The following ULK4 variants were observed in gnomAD, a reference collection of about 807,000 sequenced individuals.
The protein encoded by ULK4 is inactive serine/threonine-protein kinase ULK4.
ULK4 carries 133 observed loss-of-function variants against 160.6 expected under a neutral mutation model. The observed-to-expected ratio is 0.83, with a 90% CI of 0.72 to 0.96. The LOEUF is 0.96. Among genes scored for constraint, ULK4 ranks in the 40% least tolerant of loss-of-function variants. The pLI, the probability that ULK4 is intolerant of heterozygous loss-of-function variation, is 0.00. For missense variants in ULK4, 1,580 were observed against 1,499.5 expected, an observed-to-expected ratio of 1.05 and a Z score of -0.89; for synonymous variants, 534 against 539.8, an observed-to-expected ratio of 0.99 and a Z score of 0.15.
chr3:41,300,201 T>C (rs985552876), intron 35 of ULK4, among the ~76,000 whole-genome samples: 6 of 152,188 alleles, frequency 3.9e-5, no homozygotes, highest in Admixed American at 6.5e-5. Flanking sequence ...GGAGGAACCA[T>C]TGAGCTGTCT....
At chr3:41,764,182 A>C (rs1391830579) in intron 21 of ULK4, among the ~76,000 whole-genome samples, 1 of 152,210 alleles carries the variant, frequency 6.6e-6, no homozygotes, top group Non-Finnish European at 1.5e-5. Flanking sequence ...CTTACACGTG[A>C]TTTAGCTATG....
At chr3:41,738,625 G>A (rs1055847087) in intron 22 of ULK4, among the ~76,000 whole-genome samples, 2 of 151,862 alleles carry the variant, frequency 1.3e-5, no homozygotes, top group Non-Finnish European at 2.9e-5. Context: ...GAAAAATTCA[G>A]GGGGCTACCA....
At chr3:41,911,929 G>C (rs1291556877) in intron 9 of ULK4, among the ~76,000 whole-genome samples, 1 of 151,948 alleles carries the variant, frequency 6.6e-6, no homozygotes, top group Non-Finnish European at 1.5e-5. Context: ...GAGGCAGACG[G>C]ATCACTTGAA....
At chr3:41,323,190 G>T (rs139785828) in intron 35 of ULK4, among the ~76,000 whole-genome samples, 108 of 152,136 alleles carry the variant, frequency 7.1e-4, no homozygotes, top group African/African-American at 2.5e-3. Flanking sequence ...GCCCGCCTTG[G>T]CCTTCCAAAG....
intron 22 of ULK4, 147 bp downstream of exon 22, chr3:41,754,214 G>C: frequency 1.1e-6 from 1 of 885,502 alleles, no homozygotes; most frequent in Non-Finnish European, 1.7e-6. Context: ...GTACTTCCAA[G>C]CTGAGATTAC....
chr3:41,494,538 C>T (rs2084915085), intron 32 of ULK4, among the ~76,000 whole-genome samples: 1 of 151,440 alleles, frequency 6.6e-6, no homozygotes, highest in Non-Finnish European at 1.5e-5. Context: ...GATGCCCTCT[C>T]TCACCACTCC....
At chr3:41,583,890 G>C (rs2030578078) in intron 31 of ULK4, among the ~76,000 whole-genome samples, 1 of 152,230 alleles carries the variant, frequency 6.6e-6, no homozygotes, top group African/African-American at 2.4e-5. Flanking sequence ...AGCAGAGGAA[G>C]ACAGAAATGG....
intron 8 of ULK4, among the ~76,000 whole-genome samples, chr3:41,913,360 G>A (rs1698860579): frequency 6.6e-6 from 1 of 151,710 alleles, no homozygotes; most frequent in Non-Finnish European, 1.5e-5. Flanking sequence ...CGAGTGGCTG[G>A]GACTACAGGC....
At chr3:41,388,538 A>T (rs1330261455) in intron 35 of ULK4, among the ~76,000 whole-genome samples, 4 of 151,916 alleles carry the variant, frequency 2.6e-5, no homozygotes, top group Non-Finnish European at 4.4e-5. Context: ...ATCCATCTTG[A>T]ATTAATTTTT....
At chr3:41,354,785 A>C (rs1036353037) in intron 35 of ULK4, among the ~76,000 whole-genome samples, 2 of 152,184 alleles carry the variant, frequency 1.3e-5, no homozygotes, top group Non-Finnish European at 2.9e-5. Flanking sequence ...TGTTTTTACA[A>C]ATCTGTATTC....
chr3:41,668,283 T>C (rs1437204545), intron 29 of ULK4, among the ~76,000 whole-genome samples: 3 of 152,172 alleles, frequency 2.0e-5, no homozygotes, highest in Non-Finnish European at 4.4e-5. Flanking sequence ...AAGGCTAGAC[T>C]ACATTATAAA....
chr3:41,466,125 A>C (rs1262946876), intron 32 of ULK4, among the ~76,000 whole-genome samples: 2 of 152,212 alleles, frequency 1.3e-5, no homozygotes, highest in African/African-American at 4.8e-5. Context: ...GCTCCTTGAA[A>C]GTATCCTTGC....
intron 35 of ULK4, among the ~76,000 whole-genome samples, chr3:41,395,907 G>A (rs2082049205): frequency 6.6e-6 from 1 of 151,926 alleles, no homozygotes; most frequent in Non-Finnish European, 1.5e-5. Flanking sequence ...AATCTACCCG[G>A]CCCTATAAGG....
chr3:41,578,594 CT>C (rs1422014530), intron 31 of ULK4, among the ~76,000 whole-genome samples: 2 of 152,040 alleles, frequency 1.3e-5, no homozygotes, highest in African/African-American at 2.4e-5. Flanking sequence ...TTAGAAGAAA[CT>C]CTAGATATAA....
intron 35 of ULK4, among the ~76,000 whole-genome samples, chr3:41,377,485 G>T (rs1447498589): frequency 1.3e-5 from 2 of 150,150 alleles, no homozygotes; most frequent in South Asian, 2.2e-4. Flanking sequence ...CTGACAAAGG[G>T]CTAATATCAA....
At chr3:41,426,468 A>G (rs1378227544) in intron 34 of ULK4, among the ~76,000 whole-genome samples, 1 of 152,214 alleles carries the variant, frequency 6.6e-6, no homozygotes, top group Non-Finnish European at 1.5e-5. Flanking sequence ...CAGAATATAT[A>G]ATCTTCTTGG....
intron 35 of ULK4, among the ~76,000 whole-genome samples, chr3:41,253,988 A>T (rs776006827): frequency 3.0e-4 from 46 of 152,234 alleles, no homozygotes; most frequent in Non-Finnish European, 5.9e-4. Context: ...GAAATTACAC[A>T]TACAGAAAGC....
chr3:41,929,017 A>C (rs1394981323), intron 5 of ULK4, among the ~76,000 whole-genome samples: 1 of 152,076 alleles, frequency 6.6e-6, no homozygotes, highest in African/African-American at 2.4e-5. Context: ...CCTGATACCA[A>C]AGCCTGACGG....
intron 22 of ULK4, among the ~76,000 whole-genome samples, chr3:41,746,524 A>C (rs1268801140): frequency 1.3e-5 from 2 of 151,302 alleles, no homozygotes; most frequent in African/African-American, 4.9e-5. Flanking sequence ...AGAGAGAGAC[A>C]CCACATTCAA....
Sources: gnomAD v4.1 joint callset for allele counts (sites outside exome capture counted in the v4.1 genomes callset) on GRCh38, gnomAD v4.1.1 for gene constraint, MANE v1.5 for transcripts, NCBI Gene and HGNC (gene_info 2026-07-23, HGNC 2026-07-21) for gene names.